Variants in SPAG17 observed in about 807,000 individuals in gnomAD.
SPAG17 encodes sperm-associated antigen 17.
A neutral mutation model predicts 273.6 loss-of-function variants in SPAG17; 169 were observed. The ratio of observed to expected loss-of-function variants is 0.62; its 90% CI spans 0.55 to 0.70. The LOEUF is 0.70. Among genes scored for constraint, SPAG17 ranks in the 30% least tolerant of loss-of-function variants. The probability of loss-of-function intolerance (pLI) is 0.00; values close to 1 mark genes in which losing one functional copy is unlikely to be tolerated. For missense variants in SPAG17, 2,557 were observed against 2,627.8 expected, an observed-to-expected ratio of 0.97 and a Z score of 0.59; for synonymous variants, 825 against 873.2, an observed-to-expected ratio of 0.94 and a Z score of 0.97.
At chr1:118,171,389 T>C (rs959066472) in intron 1 of SPAG17, among the ~76,000 whole-genome samples, 1 of 152,208 alleles carries the variant, frequency 6.6e-6, no homozygotes, top group Non-Finnish European at 1.5e-5. Flanking sequence ...CTGTACTTTT[T>C]TGGAGCTAGA....
intron 7 of SPAG17, among the ~76,000 whole-genome samples, chr1:118,096,950 T>G (rs1415808484): frequency 6.6e-6 from 1 of 152,070 alleles, no homozygotes; most frequent in East Asian, 1.9e-4. Flanking sequence ...AATAAGATTT[T>G]GGGGCCAGGC....
chr1:118,084,001 A>G (rs942492283), intron 13 of SPAG17, among the ~76,000 whole-genome samples: 16 of 152,080 alleles, frequency 1.1e-4, no homozygotes, highest in Admixed American at 9.2e-4. Flanking sequence ...TGTAAGCAGC[A>G]TATGTGTGAG....
intron 15 of SPAG17, among the ~76,000 whole-genome samples, chr1:118,078,368 C>T (rs1654274601): frequency 1.3e-5 from 2 of 151,978 alleles, no homozygotes; most frequent in Non-Finnish European, 2.9e-5. Flanking sequence ...GCATGAAACA[C>T]AAATGTTTAA....
chr1:117,958,695 A>T (rs1331755361), intron 48 of SPAG17, among the ~76,000 whole-genome samples: 4 of 152,010 alleles, frequency 2.6e-5, no homozygotes, highest in Admixed American at 6.5e-5. Context: ...TGAATGTGTC[A>T]TAAGGTTTAG....
At chr1:117,983,952 G>T in intron 41 of SPAG17, 39 bp from the exon 42 acceptor site, 4 of 1,039,558 alleles carry the variant, frequency 3.8e-6, no homozygotes, top group East Asian at 2.4e-5. Context: ...CTTATACATG[G>T]CTGAAATTCA....
In SPAG17 at chr1:118,143,019, T is replaced by C. The variant is rs534012768; in HGVS notation, c.315+7524A>G. Among the ~76,000 whole-genome samples, 375 of 152,322 alleles carry C rather than the reference T, an allele frequency of 2.5e-3. 2 individuals are homozygous for C. The highest frequency in any genetic ancestry group is 8.6e-3 in the African/African-American group (359 of 41,572). ...AAGAAAAGACATGGTCACTTAACCA[T>C]ATAAATCTTAACCATAAGAATTAAA... is the stretch of plus-strand genomic sequence containing the variant. On this transcript the variant is annotated intron_variant, in intron 3 of 48. Coordinates refer to ENST00000336338, the MANE Select transcript of SPAG17 (RefSeq NM_206996.4).
At chr1:118,016,639 T>C (rs548148890) in intron 28 of SPAG17, among the ~76,000 whole-genome samples, 1 of 152,344 alleles carries the variant, frequency 6.6e-6, no homozygotes, top group Admixed American at 6.5e-5. Context: ...TCCCCTGATT[T>C]TGCCCTTTTG....
intron 15 of SPAG17, among the ~76,000 whole-genome samples, chr1:118,078,287 C>T (rs567379352): frequency 1.9e-4 from 29 of 151,704 alleles, no homozygotes; most frequent in Non-Finnish European, 2.9e-4. Flanking sequence ...TTTTTTTATC[C>T]AATTTTGGCC....
intron 18 of SPAG17, among the ~76,000 whole-genome samples, chr1:118,061,362 A>G (rs574679833): frequency 2.4e-4 from 36 of 152,354 alleles, no homozygotes; most frequent in Middle Eastern, 3.4e-3. Context: ...ATTCAGCCTT[A>G]AAAAGGAAGG....
chr1:118,075,048 C>T (rs1006100809), intron 15 of SPAG17, among the ~76,000 whole-genome samples: 3 of 152,134 alleles, frequency 2.0e-5, no homozygotes, highest in Non-Finnish European at 4.4e-5. Context: ...GCAGGCCATG[C>T]GTGCAAAGAG....
chr1:118,005,502 C>T lies in SPAG17; in HGVS notation c.4688G>A (p.Arg1563His), dbSNP rs770594103. The change falls in exon 32 of 49, where the codon CGT becomes CAT. Residue 1563 changes from arginine (R) to histidine (H), a missense_variant. By Grantham distance (29) the Arg-to-His change is conservative. Transcript: ENST00000336338. ...SSNIYYPFQK[R>H]EQLRAGRYIM... ...GTACCTGCCAGCTCGCAGCTGCTCA[C>T]GCTTTTGAAAAGGATAGTATATATT... 34 of 1,613,420 alleles carry T rather than the reference C, an allele frequency of 2.1e-5. No homozygotes were observed. The highest frequency in any genetic ancestry group is 9.9e-5 in the South Asian group (9 of 90,880).
chr1:118,031,906 T>C (rs1648520123), intron 24 of SPAG17, 39 bp from the exon 25 acceptor site: 3 of 1,481,238 alleles, frequency 2.0e-6, no homozygotes, highest in African/African-American at 1.4e-5. Context: ...TGATTCAACA[T>C]TCATATTTGA....
rs957475096 is a variant in SPAG17, at chr1:118,132,571, A to C, written c.316-17130T>G. Among the ~76,000 whole-genome samples the C allele has an allele frequency of 5.9e-5, 9 of 152,202 alleles. No individual in the cohort carries two copies. The South Asian group carries it at 1.0e-3, about 18-fold the overall frequency. On this transcript the variant is annotated intron_variant, in intron 3 of 48. Coordinates refer to ENST00000336338, the MANE Select transcript of SPAG17 (RefSeq NM_206996.4). ...CTGTATTTCAGAGCTTCCACTATGT[A>C]TCTTCCCCCTCTAGCTTTGTGTAAT...
At chr1:118,174,423 G>A (rs1177220556) in intron 1 of SPAG17, among the ~76,000 whole-genome samples, 1 of 152,092 alleles carries the variant, frequency 6.6e-6, no homozygotes, top group African/African-American at 2.4e-5. Flanking sequence ...AAATTATAGA[G>A]TCTGATAAGC....
At chr1:117,998,163 T>G (rs1288682241) in intron 32 of SPAG17, among the ~76,000 whole-genome samples, 2 of 152,212 alleles carry the variant, frequency 1.3e-5, no homozygotes, top group African/African-American at 4.8e-5. Flanking sequence ...TTTCTGGGTT[T>G]TCTTCAAGGG....
intron 48 of SPAG17, chr1:117,959,112 C>A: frequency 7.7e-7 from 1 of 1,292,850 alleles, no homozygotes; most frequent in Non-Finnish European, 1.1e-6. Flanking sequence ...ACCGATAAAT[C>A]CATATTTGAG....
At chr1:118,083,309 A>T (rs950361772) in intron 13 of SPAG17, among the ~76,000 whole-genome samples, 7 of 152,182 alleles carry the variant, frequency 4.6e-5, no homozygotes, top group Non-Finnish European at 8.8e-5. Flanking sequence ...ACAAAGGCAC[A>T]TGATCCAACC....
chr1:118,097,032 C>T lies in SPAG17; in HGVS notation c.1011+638G>A, dbSNP rs371207838. Among the ~76,000 whole-genome samples, 187 of 152,102 alleles carry T rather than the reference C, an allele frequency of 1.2e-3. 5 individuals are homozygous for T. In the East Asian group the frequency reaches 0.032, roughly 26 times the overall value. ...GGTGGATCACCTGAGGTCAGGAGTT[C>T]GAGACCAGCCTGGCCAACATGGCGA... On this transcript the variant is annotated intron_variant, in intron 7 of 48. Transcript: ENST00000336338.
At chr1:118,119,205 T>A (rs1657278075) in intron 3 of SPAG17, among the ~76,000 whole-genome samples, 1 of 152,218 alleles carries the variant, frequency 6.6e-6, no homozygotes, top group Admixed American at 6.5e-5. Flanking sequence ...TAGAATGGAC[T>A]CCCATGAAGC....
Sources: allele counts gnomAD v4.1 joint callset (sites outside exome capture counted in the v4.1 genomes callset), GRCh38; gene constraint gnomAD v4.1.1; transcripts MANE v1.5; gene names NCBI Gene and HGNC (gene_info 2026-07-23, HGNC 2026-07-21).